Variants in LMO1 observed in about 807,000 individuals in gnomAD.
LMO1 encodes LIM domain only 1.
Under a neutral mutation model 18.0 loss-of-function variants are expected in LMO1, and 10 were observed. The ratio of observed to expected loss-of-function variants is 0.55; its 90% confidence interval spans 0.34 to 0.94. LMO1 has a LOEUF of 0.94. LMO1 is among the 40% of genes least tolerant of loss of function. The pLI is 0.02. For synonymous variants in LMO1, 77 were observed against 77.9 expected (o/e 0.99, Z 0.06); for missense variants, 183 against 205.7 (o/e 0.89, Z 0.68).
At chr11:8,266,005 C>T (rs2134596114), upstream of LMO1, among the ~76,000 whole-genome samples, 1 of 152,150 alleles carries the variant, frequency 6.6e-6, no homozygotes, top group Non-Finnish European at 1.5e-5. Context: ...ACCTAATTGG[C>T]AGCCACATGA....
chr11:8,261,938 A>C (rs531526465), intron 1 of LMO1, among the ~76,000 whole-genome samples: 5 of 152,202 alleles, frequency 3.3e-5, no homozygotes, highest in Non-Finnish European at 7.4e-5. Context: ...TCCTACACAC[A>C]TACTGAGAGC....
At chr11:8,251,843 G>A (rs1032177425) in intron 1 of LMO1, among the ~76,000 whole-genome samples, 5 of 139,664 alleles carry the variant, frequency 3.6e-5, no homozygotes, top group Admixed American at 7.2e-5. Flanking sequence ...CCTGTGTGGT[G>A]GGTGTGCGTG....
chr11:8,253,931 C>A (rs946047862), intron 1 of LMO1, among the ~76,000 whole-genome samples: 11 of 152,038 alleles, frequency 7.2e-5, no homozygotes, highest in African/African-American at 2.4e-4. Flanking sequence ...CGACAGAATG[C>A]CTCCCCTAAA....
intron 3 of LMO1, among the ~76,000 whole-genome samples, chr11:8,226,217 G>A (rs1182576507): frequency 1.3e-5 from 2 of 152,086 alleles, no homozygotes; most frequent in East Asian, 3.9e-4. Context: ...TATACAGGCT[G>A]GGCGCGGTGG....
chr11:8,260,074 C>T (rs1417195176), intron 1 of LMO1, among the ~76,000 whole-genome samples: 1 of 152,136 alleles, frequency 6.6e-6, no homozygotes, highest in African/African-American at 2.4e-5. Context: ...TCCCAGCATC[C>T]CCAGCTGGAT....
At chr11:8,261,855 G>A (rs73397903) in intron 1 of LMO1, among the ~76,000 whole-genome samples, 3 of 152,088 alleles carry the variant, frequency 2.0e-5, no homozygotes, top group African/African-American at 7.2e-5. Context: ...TCCGTGAATA[G>A]AGAAGACATA....
intron 1 of LMO1, among the ~76,000 whole-genome samples, chr11:8,245,625 A>G (rs541297275): frequency 6.6e-6 from 1 of 152,332 alleles, no homozygotes; most frequent in East Asian, 1.9e-4. Flanking sequence ...TCACTGGGGA[A>G]GTACCAGGCT....
At chr11:8,252,296 C>T (rs904244592) in intron 1 of LMO1, among the ~76,000 whole-genome samples, 7 of 152,150 alleles carry the variant, frequency 4.6e-5, no homozygotes, top group African/African-American at 9.7e-5. Flanking sequence ...TGAAAGACTC[C>T]GAGACATCTG....
At chr11:8,226,866 A>AG in intron 3 of LMO1, 109 bp downstream of exon 3, 1 of 1,450,236 alleles carries the variant, frequency 6.9e-7, no homozygotes, top group Non-Finnish European at 9.1e-7. Context: ...CCACATACAC[A>AG]CACGCAACCC....
chr11:8,262,244 T>A (rs1847198393), intron 1 of LMO1, among the ~76,000 whole-genome samples: 1 of 152,186 alleles, frequency 6.6e-6, no homozygotes, highest in African/African-American at 2.4e-5. Context: ...AAAGCAAACC[T>A]ACCCTTTCGG....
chr11:8,262,789 G>A (rs1481810263), intron 1 of LMO1, among the ~76,000 whole-genome samples: 1 of 152,078 alleles, frequency 6.6e-6, no homozygotes, highest in Non-Finnish European at 1.5e-5. Context: ...TCCCCCGGAG[G>A]GTCCAACCCG....
At chr11:8,235,909 T>C (rs774957528) in intron 1 of LMO1, among the ~76,000 whole-genome samples, 47 of 152,188 alleles carry the variant, frequency 3.1e-4, no homozygotes, top group Non-Finnish European at 5.3e-4. Flanking sequence ...CCTCAACACA[T>C]GAGACAGGAT....
intron 1 of LMO1, among the ~76,000 whole-genome samples, chr11:8,243,764 CA>C (rs1846838914): frequency 6.6e-6 from 1 of 152,218 alleles, no homozygotes; most frequent in Admixed American, 6.5e-5. Context: ...CTGCTCTAGC[CA>C]AACCCTAGAA....
chr11:8,261,015 A>G (rs577326066), intron 1 of LMO1, among the ~76,000 whole-genome samples: 9 of 152,278 alleles, frequency 5.9e-5, no homozygotes, highest in African/African-American at 1.4e-4. Context: ...CCCTCCCCCA[A>G]TTGAAGATGC....
intron 1 of LMO1, among the ~76,000 whole-genome samples, chr11:8,260,414 A>C (rs1165770570): frequency 1.3e-5 from 2 of 152,136 alleles, no homozygotes; most frequent in South Asian, 4.1e-4. Context: ...AGTTCCAGTA[A>C]AGTGGAGATG....
chr11:8,228,422 A>T (rs1360942997), intron 2 of LMO1, among the ~76,000 whole-genome samples: 2 of 152,250 alleles, frequency 1.3e-5, no homozygotes, highest in African/African-American at 4.8e-5. Context: ...TGGCTCCATT[A>T]TTCATCAGCT....
At position 8,231,472 on chromosome 11, in the gene LMO1, A is replaced by T. The variant is rs575901016; in HGVS notation, c.26-968T>A. 2.0e-5 allele frequency among the ~76,000 whole-genome samples: 3 copies of T among 152,348 alleles called. No individual in the cohort carries two copies. The South Asian group carries it at 6.2e-4, about 32-fold the overall frequency. Reference sequence around the variant, plus strand: ...AGGGACCGTTGAGGAGGAGATGGGGACATATGTCGTCCAGTAGCCTGGACA... The same window carrying T: ...AGGGACCGTTGAGGAGGAGATGGGGTCATATGTCGTCCAGTAGCCTGGACA... On this transcript the variant is annotated intron_variant, in intron 1 of 3. Transcript: ENST00000335790.
At chr11:8,248,668 C>A (rs1590550826) in intron 1 of LMO1, among the ~76,000 whole-genome samples, 1 of 152,234 alleles carries the variant, frequency 6.6e-6, no homozygotes, top group Non-Finnish European at 1.5e-5. Context: ...ACGCCTCTTT[C>A]CCAGAATCAG....
intron 1 of LMO1, among the ~76,000 whole-genome samples, chr11:8,247,601 G>A (rs1313488378): frequency 2.6e-5 from 4 of 152,232 alleles, no homozygotes; most frequent in African/African-American, 9.6e-5. Context: ...CCGCAGAGGC[G>A]ACCAGCCTCC....
Sources: gnomAD v4.1 joint callset for allele counts (sites outside exome capture counted in the v4.1 genomes callset) on GRCh38, gnomAD v4.1.1 for gene constraint, MANE v1.5 for transcripts, NCBI Gene and HGNC (gene_info 2026-07-23, HGNC 2026-07-21) for gene names.